GJC1: variants seen among roughly 807,000 people sequenced by gnomAD.
GJC1 encodes gap junction protein gamma 1.
GJC1 carries 5 observed loss-of-function variants against 29.3 expected under a neutral mutation model. That is an observed-to-expected ratio of 0.17 (90% CI 0.09 to 0.36). GJC1 has a LOEUF of 0.36. Ranked by LOEUF, GJC1 falls within the 10% of genes least tolerant of loss-of-function variation. GJC1 has a pLI of 1.00. For missense variants in GJC1, 310 were observed against 496.2 expected, an observed-to-expected ratio of 0.62 and a Z score of 3.56; for synonymous variants, 177 against 183.3, an observed-to-expected ratio of 0.97 and a Z score of 0.28.
chr17:44,820,532 T>C (rs563937530), intron 1 of GJC1, among the ~76,000 whole-genome samples: 16 of 152,256 alleles, frequency 1.1e-4, no homozygotes, highest in Non-Finnish European at 2.2e-4. Flanking sequence ...AGTAAAGTAA[T>C]AGCAGTAAAA....
At chr17:44,823,875 C>T (rs2050140470) in intron 1 of GJC1, among the ~76,000 whole-genome samples, 2 of 151,286 alleles carry the variant, frequency 1.3e-5, no homozygotes, top group South Asian at 4.2e-4. Flanking sequence ...CCACACCTGG[C>T]TAATTTTTTG....
At chr17:44,797,926 C>A (rs569219427), downstream of GJC1, 2 of 152,306 alleles carry the variant, frequency 1.3e-5, no homozygotes, top group South Asian at 4.1e-4. Context: ...AGTCGGCTAT[C>A]CCGTGTCTGA....
chr17:44,819,486 CT>C (rs902269889), intron 1 of GJC1, among the ~76,000 whole-genome samples: 1 of 151,656 alleles, frequency 6.6e-6, no homozygotes, highest in African/African-American at 2.4e-5. Context: ...GTGAAACCCC[CT>C]CTCTACTAAA....
At position 44,825,310 on chromosome 17, in the gene GJC1, A is replaced by G. The variant is rs558487813; in HGVS notation, c.-97+4752T>C. On this transcript the variant is annotated intron_variant, in intron 1 of 2. Coordinates refer to ENST00000592524, the MANE Select transcript of GJC1 (RefSeq NM_005497.4). ...AGGTCAGGAGACCAGCCTGACCAAC[A>G]TGGAGAAACCCTGTCTCTACCAATA... 3.6e-3 allele frequency among the ~76,000 whole-genome samples: 549 copies of G among 151,648 alleles called. 1 individual carries two copies. The highest frequency in any genetic ancestry group is 0.013 in the African/African-American group (534 of 41,336).
intron 1 of GJC1, among the ~76,000 whole-genome samples, chr17:44,814,945 A>G (rs996507559): frequency 1.4e-5 from 2 of 144,162 alleles, no homozygotes; most frequent in Non-Finnish European, 1.5e-5. Flanking sequence ...CAGTCTTAGG[A>G]AAAAAAAAAA....
At chr17:44,821,730 A>AAAAAAAAAC (rs1567714313) in intron 1 of GJC1, among the ~76,000 whole-genome samples, 5 of 141,492 alleles carry the variant, frequency 3.5e-5, no homozygotes, top group Admixed American at 7.0e-5. Context: ...AAAAAACAAC[A>AAAAAAAAAC]AAAAAACACC....
chr17:44,820,718 G>A (rs556347887), intron 1 of GJC1, among the ~76,000 whole-genome samples: 7 of 152,198 alleles, frequency 4.6e-5, no homozygotes, highest in African/African-American at 1.4e-4. Context: ...ACTAAGAATC[G>A]TGCTAGTGAC....
At chr17:44,822,509 G>A (rs1006686268) in intron 1 of GJC1, among the ~76,000 whole-genome samples, 2 of 151,792 alleles carry the variant, frequency 1.3e-5, no homozygotes, top group African/African-American at 4.8e-5. Context: ...TGGGCGTGGT[G>A]GCAGGCGCCT....
chr17:44,794,281 C>CG (rs1334863379), downstream of GJC1: 5 of 152,264 alleles, frequency 3.3e-5, no homozygotes, highest in African/African-American at 9.6e-5. Flanking sequence ...CCAGACCCTG[C>CG]GGATCCTTGT....
At chr17:44,812,733 C>T (rs1026727255) in intron 1 of GJC1, among the ~76,000 whole-genome samples, 4 of 151,954 alleles carry the variant, frequency 2.6e-5, no homozygotes, top group South Asian at 4.2e-4. Flanking sequence ...CTGCAACCTC[C>T]ACCTCCCGGG....
chr17:44,809,889 C>T (rs940057544), intron 1 of GJC1, among the ~76,000 whole-genome samples: 3 of 138,182 alleles, frequency 2.2e-5, no homozygotes, highest in Admixed American at 7.5e-5. Context: ...CAGACAGTCT[C>T]GCTTTTTTGG....
At chr17:44,828,185 G>A (rs2050196148) in intron 1 of GJC1, among the ~76,000 whole-genome samples, 1 of 152,160 alleles carries the variant, frequency 6.6e-6, no homozygotes, top group Non-Finnish European at 1.5e-5. Context: ...AAGGATAACA[G>A]CATTTATAAG....
chr17:44,811,028 C>T (rs2049974084), intron 1 of GJC1, among the ~76,000 whole-genome samples: 1 of 152,154 alleles, frequency 6.6e-6, no homozygotes, highest in Non-Finnish European at 1.5e-5. Flanking sequence ...CTCAGCCTCC[C>T]AAAGTGTTGG....
chr17:44,818,059 A>G (rs2050064008), intron 1 of GJC1, among the ~76,000 whole-genome samples: 1 of 151,808 alleles, frequency 6.6e-6, no homozygotes, highest in African/African-American at 2.4e-5. Flanking sequence ...CTAAAAATAG[A>G]AAAATTAGCC....
chr17:44,812,841 G>A (rs1463093488), intron 1 of GJC1, among the ~76,000 whole-genome samples: 1 of 151,816 alleles, frequency 6.6e-6, no homozygotes, highest in Non-Finnish European at 1.5e-5. Context: ...TAGAGACAGG[G>A]TTTCACCACA....
chr17:44,812,022 CA>C (rs1189723248), intron 1 of GJC1, among the ~76,000 whole-genome samples: 3 of 149,036 alleles, frequency 2.0e-5, no homozygotes, highest in Non-Finnish European at 4.5e-5. Flanking sequence ...AAACAAAAAA[CA>C]AAAAAACCCA....
chr17:44,826,726 T>C (rs1412401704), intron 1 of GJC1, among the ~76,000 whole-genome samples: 2 of 152,208 alleles, frequency 1.3e-5, no homozygotes, highest in Non-Finnish European at 2.9e-5. Flanking sequence ...TAACAGGTCA[T>C]TCACTCTTTA....
At chr17:44,827,054 A>C (rs1399449746) in intron 1 of GJC1, among the ~76,000 whole-genome samples, 1 of 152,218 alleles carries the variant, frequency 6.6e-6, no homozygotes. Flanking sequence ...TCACACCTGT[A>C]ATCCCAGCAC....
intron 1 of GJC1, among the ~76,000 whole-genome samples, chr17:44,814,762 G>A (rs1461689361): frequency 1.3e-5 from 2 of 152,090 alleles, no homozygotes; most frequent in African/African-American, 2.4e-5. Context: ...GGCCAACATG[G>A]CGAAACCCCA....
Sources: allele counts gnomAD v4.1 joint callset (sites outside exome capture counted in the v4.1 genomes callset), GRCh38; gene constraint gnomAD v4.1.1; transcripts MANE v1.5; gene names NCBI Gene and HGNC (gene_info 2026-07-23, HGNC 2026-07-21).